Variants in ADGRL3 observed in about 807,000 individuals in gnomAD.
ADGRL3 encodes calcium-independent alpha-latrotoxin receptor 3.
A neutral mutation model predicts 153.5 loss-of-function variants in ADGRL3; 62 were observed. The observed-to-expected ratio is 0.40, with a 90% CI of 0.33 to 0.50. The LOEUF (loss-of-function observed/expected upper bound fraction) is 0.50, where lower values mean the gene tolerates loss of function less well. ADGRL3 is among the 20% of genes least tolerant of loss of function. The probability of loss-of-function intolerance (pLI) is 0.47; values close to 1 mark genes in which losing one functional copy is unlikely to be tolerated. For synonymous variants in ADGRL3, 710 were observed against 672.5 expected (o/e 1.06, Z -0.86); for missense variants, 1,641 against 1,859.4 (o/e 0.88, Z 2.16).
chr4:61,848,143 G>T (rs1461237299), intron 9 of ADGRL3, among the ~76,000 whole-genome samples: 1 of 123,448 alleles, frequency 8.1e-6, no homozygotes, highest in African/African-American at 3.1e-5. Context: ...TTAAAATCAT[G>T]TATCACAAAT....
chr4:61,413,284 C>T (rs890015090), intron 2 of ADGRL3, among the ~76,000 whole-genome samples: 5 of 152,096 alleles, frequency 3.3e-5, no homozygotes, highest in African/African-American at 1.2e-4. Context: ...TACCCGGGGT[C>T]GGTGTGCCTC....
intron 25 of ADGRL3, among the ~76,000 whole-genome samples, chr4:62,046,006 A>G (rs1018163157): frequency 1.3e-5 from 2 of 151,866 alleles, no homozygotes; most frequent in African/African-American, 4.8e-5. Flanking sequence ...TTACTTTTAA[A>G]TCATAAAGAA....
chr4:61,730,595 C>T, intron 6 of ADGRL3, 27 bp from the exon 7 acceptor site: 1 of 504,884 alleles, frequency 2.0e-6, no homozygotes, highest in Non-Finnish European at 3.5e-6. Flanking sequence ...TTTCTCCTTT[C>T]TCTCTTTACT....
intron 24 of ADGRL3, among the ~76,000 whole-genome samples, chr4:62,038,724 C>T (rs1235298825): frequency 1.3e-5 from 2 of 152,076 alleles, no homozygotes; most frequent in East Asian, 3.9e-4. Flanking sequence ...ACGTCAGCCT[C>T]CAGCCTCCCG....
intron 1 of ADGRL3, among the ~76,000 whole-genome samples, chr4:61,281,387 G>T (rs2093718406): frequency 6.6e-6 from 1 of 152,128 alleles, no homozygotes; most frequent in African/African-American, 2.4e-5. Context: ...GGTACCCCAA[G>T]AGTAAAATCT....
chr4:61,283,395 G>C (rs181609768), intron 1 of ADGRL3, among the ~76,000 whole-genome samples: 1 of 152,106 alleles, frequency 6.6e-6, no homozygotes, highest in East Asian at 1.9e-4. Flanking sequence ...TTTCTCAACT[G>C]TGTTCAAGAA....
intron 5 of ADGRL3, among the ~76,000 whole-genome samples, chr4:61,642,863 G>A (rs2093752549): frequency 1.3e-5 from 2 of 152,046 alleles, no homozygotes; most frequent in South Asian, 4.1e-4. Context: ...CATTGAATCT[G>A]TAAATTACCT....
At chr4:61,406,088 T>A (rs1009752973) in intron 2 of ADGRL3, among the ~76,000 whole-genome samples, 2 of 151,986 alleles carry the variant, frequency 1.3e-5, no homozygotes, top group Non-Finnish European at 2.9e-5. Flanking sequence ...GAGAGCGCCC[T>A]ATATATCTAC....
intron 5 of ADGRL3, among the ~76,000 whole-genome samples, chr4:61,608,222 T>A (rs1355936826): frequency 6.6e-6 from 1 of 152,196 alleles, no homozygotes; most frequent in Non-Finnish European, 1.5e-5. Context: ...CTTTTCATAC[T>A]CCCAATCTTG....
At chr4:61,844,575 A>AAAAATATATATATATATAT (rs1554045137) in intron 9 of ADGRL3, among the ~76,000 whole-genome samples, 1 of 18,106 alleles carries the variant, frequency 5.5e-5, no homozygotes. Context: ...AAAAAAAAAA[A>AAAAATATATATATATATAT]ATATATATAT....
chr4:61,842,408 T>TA (rs2098046756), intron 9 of ADGRL3, among the ~76,000 whole-genome samples: 1 of 152,140 alleles, frequency 6.6e-6, no homozygotes. Flanking sequence ...TATTTTGGAG[T>TA]AATTAAAGGG....
At chr4:61,909,786 TG>T (rs2098713753) in intron 12 of ADGRL3, 41 bp downstream of exon 12, 3 of 1,383,740 alleles carry the variant, frequency 2.2e-6, no homozygotes, top group African/African-American at 1.4e-5. Context: ...TGTGTGTGTG[TG>T]TGTGTGTGTG....
At chr4:61,290,948 G>T (rs1232556633) in intron 1 of ADGRL3, among the ~76,000 whole-genome samples, 1 of 151,852 alleles carries the variant, frequency 6.6e-6, no homozygotes, top group Non-Finnish European at 1.5e-5. Context: ...TATTAAAAAT[G>T]TGAATGATTT....
chr4:61,316,585 G>A (rs1473326877), intron 1 of ADGRL3, among the ~76,000 whole-genome samples: 4 of 152,184 alleles, frequency 2.6e-5, no homozygotes, highest in African/African-American at 9.6e-5. Context: ...TCATCTGGTT[G>A]CTGTATGCAT....
At chr4:61,722,728 A>G (rs977128321) in intron 6 of ADGRL3, among the ~76,000 whole-genome samples, 2 of 152,068 alleles carry the variant, frequency 1.3e-5, no homozygotes, top group East Asian at 1.9e-4. Flanking sequence ...ATCTTTACTC[A>G]TCAGTTTTTT....
At chr4:61,800,831 G>A (rs1003783473) in intron 8 of ADGRL3, among the ~76,000 whole-genome samples, 14 of 152,222 alleles carry the variant, frequency 9.2e-5, no homozygotes, top group African/African-American at 2.9e-4. Context: ...GTGTAATATG[G>A]TCAGGATGAT....
chr4:62,042,181 A>G (rs1043201381), intron 24 of ADGRL3, among the ~76,000 whole-genome samples: 8 of 152,044 alleles, frequency 5.3e-5, no homozygotes, highest in African/African-American at 1.9e-4. Flanking sequence ...AACAAAAAAG[A>G]CAAAAATTCT....
chr4:61,879,255 C>G (rs1447728419), intron 9 of ADGRL3, among the ~76,000 whole-genome samples: 1 of 152,126 alleles, frequency 6.6e-6, no homozygotes, highest in Admixed American at 6.6e-5. Flanking sequence ...ATCCTCTGGG[C>G]AGATTTCCCT....
chr4:61,257,772 A>T (rs2092115656), intron 1 of ADGRL3, among the ~76,000 whole-genome samples: 1 of 152,220 alleles, frequency 6.6e-6, no homozygotes, highest in African/African-American at 2.4e-5. Context: ...CAGTTTATAC[A>T]AACTTATTAA....
Sources: allele counts gnomAD v4.1 joint callset (sites outside exome capture counted in the v4.1 genomes callset), GRCh38; gene constraint gnomAD v4.1.1; transcripts MANE v1.5; gene names NCBI Gene and HGNC (gene_info 2026-07-23, HGNC 2026-07-21).